Variants in MYO3B observed in about 807,000 individuals in gnomAD.
The protein encoded by MYO3B is myosin-IIIb.
Under a neutral mutation model 174.6 loss-of-function variants are expected in MYO3B, and 156 were observed. The ratio of observed to expected loss-of-function variants is 0.89; its 90% CI spans 0.78 to 1.02. MYO3B has a LOEUF of 1.02. Ranked by LOEUF, MYO3B falls within the 50% of genes least tolerant of loss-of-function variation. The pLI is 0.00. For synonymous variants in MYO3B, 563 were observed against 569.1 expected (o/e 0.99, Z 0.15); for missense variants, 1,632 against 1,639.4 (o/e 1.00, Z 0.08).
chr2:170,256,964 T>C (rs1033667901), intron 7 of MYO3B, among the ~76,000 whole-genome samples: 1 of 152,080 alleles, frequency 6.6e-6, no homozygotes, highest in Admixed American at 6.5e-5. Flanking sequence ...TTATATTAGA[T>C]AAAACAGACT....
intron 6 of MYO3B, 68 bp downstream of exon 6, chr2:170,217,463 G>A (rs964702474): frequency 7.5e-7 from 1 of 1,331,016 alleles, no homozygotes; most frequent in Non-Finnish European, 1.1e-6. Flanking sequence ...CTTTTTATGG[G>A]TAAGTCATAT....
chr2:170,397,872 G>T (rs1261225624), intron 16 of MYO3B, among the ~76,000 whole-genome samples: 2 of 152,138 alleles, frequency 1.3e-5, no homozygotes, highest in Non-Finnish European at 2.9e-5. Flanking sequence ...TAATTTGCTA[G>T]AATAGTTTCT....
intron 7 of MYO3B, among the ~76,000 whole-genome samples, chr2:170,329,591 A>G (rs2105520205): frequency 6.9e-6 from 1 of 144,394 alleles, no homozygotes; most frequent in East Asian, 2.0e-4. Flanking sequence ...ATGGGGTTTC[A>G]CCATGTTGGC....
At chr2:170,517,984 A>G (rs913207188) in intron 29 of MYO3B, among the ~76,000 whole-genome samples, 2 of 137,618 alleles carry the variant, frequency 1.5e-5, no homozygotes, top group African/African-American at 3.1e-5. Flanking sequence ...GTTTGGCCAT[A>G]ATGTTTGTGT....
At chr2:170,635,500 A>T (rs1051598091) in intron 32 of MYO3B, among the ~76,000 whole-genome samples, 1 of 152,296 alleles carries the variant, frequency 6.6e-6, no homozygotes, top group Admixed American at 6.5e-5. Context: ...GCATTAGGAG[A>T]TATACCTAAT....
chr2:170,255,588 C>G (rs918791177), intron 7 of MYO3B, among the ~76,000 whole-genome samples: 2 of 152,074 alleles, frequency 1.3e-5, no homozygotes, highest in Non-Finnish European at 2.9e-5. Flanking sequence ...AGAAACGAAG[C>G]CAATTGACTG....
intron 30 of MYO3B, among the ~76,000 whole-genome samples, chr2:170,531,517 TAAATG>T (rs1689352732): frequency 6.6e-6 from 1 of 152,238 alleles, no homozygotes; most frequent in Admixed American, 6.5e-5. Flanking sequence ...ACATGAAAGT[TAAATG>T]AGGTAACATA....
chr2:170,608,915 G>A (rs1328210668), intron 32 of MYO3B, among the ~76,000 whole-genome samples: 6 of 152,146 alleles, frequency 3.9e-5, no homozygotes, highest in Admixed American at 6.5e-5. Context: ...AGGCCCAATC[G>A]ATATATTAGC....
At chr2:170,430,862 G>T (rs1247797516) in intron 22 of MYO3B, among the ~76,000 whole-genome samples, 1 of 152,208 alleles carries the variant, frequency 6.6e-6, no homozygotes, top group Admixed American at 6.5e-5. Context: ...GTGGGACAAT[G>T]AAGTAGGGGG....
intron 32 of MYO3B, among the ~76,000 whole-genome samples, chr2:170,564,497 C>T (rs1575171505): frequency 6.6e-6 from 1 of 152,058 alleles, no homozygotes; most frequent in East Asian, 1.9e-4. Context: ...TAAATTCATT[C>T]TAAGGCAAAT....
At chr2:170,264,589 A>G (rs13413971) in intron 7 of MYO3B, among the ~76,000 whole-genome samples, 5,648 of 152,240 alleles carry the variant, frequency 0.037, 341 homozygotes, top group African/African-American at 0.13. Context: ...TGGTTGTGTG[A>G]TTTCGGATGA....
At chr2:170,414,173 A>G (rs570278493) in intron 22 of MYO3B, among the ~76,000 whole-genome samples, 83 of 152,270 alleles carry the variant, frequency 5.5e-4, no homozygotes, top group African/African-American at 1.9e-3. Context: ...CCAATACCAC[A>G]CTATTGCAGA....
chr2:170,242,589 G>GA (rs1016005733), intron 7 of MYO3B, among the ~76,000 whole-genome samples: 1 of 152,182 alleles, frequency 6.6e-6, no homozygotes, highest in Admixed American at 6.5e-5. Flanking sequence ...CAGGCAGGGA[G>GA]AATTTAGCTT....
intron 25 of MYO3B, among the ~76,000 whole-genome samples, chr2:170,481,881 A>G (rs1222441993): frequency 1.3e-5 from 2 of 152,096 alleles, no homozygotes; most frequent in African/African-American, 4.8e-5. Flanking sequence ...GGTGCCTTTT[A>G]GGTAGTTTAT....
chr2:170,566,314 A>G (rs1343853990), intron 32 of MYO3B, among the ~76,000 whole-genome samples: 1 of 152,220 alleles, frequency 6.6e-6, no homozygotes, highest in Non-Finnish European at 1.5e-5. Flanking sequence ...TTGAAAGTGC[A>G]GTGTAAGTAC....
intron 25 of MYO3B, among the ~76,000 whole-genome samples, chr2:170,486,478 A>G (rs1686069584): frequency 6.6e-6 from 1 of 151,946 alleles, no homozygotes; most frequent in Non-Finnish European, 1.5e-5. Flanking sequence ...CTAATTTTGT[A>G]TTTTTAGTAG....
chr2:170,641,895 A>G (rs994996948), intron 32 of MYO3B, among the ~76,000 whole-genome samples: 5 of 150,932 alleles, frequency 3.3e-5, no homozygotes, highest in African/African-American at 7.4e-5. Context: ...CCATAACCCA[A>G]ATTAAATGAA....
At chr2:170,390,026 T>G (rs2094400885) in intron 14 of MYO3B, among the ~76,000 whole-genome samples, 2 of 152,172 alleles carry the variant, frequency 1.3e-5, no homozygotes, top group Admixed American at 6.5e-5. Context: ...CCTGGTATAG[T>G]GCCTACCGTG....
At chr2:170,311,006 C>T (rs10432466) in intron 7 of MYO3B, among the ~76,000 whole-genome samples, 105,175 of 152,030 alleles carry the variant, frequency 0.69, 39,410 homozygotes, top group East Asian at 0.92. Context: ...CAGATGGTTG[C>T]GGGGCCTTAG....
Sources: allele counts gnomAD v4.1 joint callset (sites outside exome capture counted in the v4.1 genomes callset), GRCh38; gene constraint gnomAD v4.1.1; transcripts MANE v1.5; gene names NCBI Gene and HGNC (gene_info 2026-07-23, HGNC 2026-07-21).